The following NWD2 variants were observed in gnomAD, a reference collection of about 807,000 sequenced individuals.
The protein encoded by NWD2 is NACHT and WD repeat domain-containing protein 2.
Under a neutral mutation model 132.7 loss-of-function variants are expected in NWD2, and 37 were observed. The observed-to-expected ratio is 0.28, with a 90% CI of 0.21 to 0.37. The LOEUF (loss-of-function observed/expected upper bound fraction) is 0.37, where lower values mean the gene tolerates loss of function less well. NWD2 is among the 10% of genes least tolerant of loss of function. The probability of loss-of-function intolerance (pLI) is 1.00; values close to 1 mark genes in which losing one functional copy is unlikely to be tolerated. For synonymous variants in NWD2, 705 were observed against 803.0 expected (o/e 0.88, Z 2.06); for missense variants, 1,592 against 2,122.4 (o/e 0.75, Z 4.91).
chr4:37,379,708 T>C (rs1441726044), intron 3 of NWD2, among the ~76,000 whole-genome samples: 1 of 152,182 alleles, frequency 6.6e-6, no homozygotes, highest in Non-Finnish European at 1.5e-5. Flanking sequence ...GGTTTTGTTT[T>C]TGTTTTGCCA....
intron 1 of NWD2, among the ~76,000 whole-genome samples, chr4:37,314,320 G>C (rs941538154): frequency 1.3e-5 from 2 of 152,096 alleles, no homozygotes; most frequent in African/African-American, 4.8e-5. Context: ...TACAGAATGA[G>C]TTGAGTATTC....
intron 3 of NWD2, among the ~76,000 whole-genome samples, chr4:37,397,881 G>A (rs1198637805): frequency 6.6e-6 from 1 of 151,576 alleles, no homozygotes; most frequent in Non-Finnish European, 1.5e-5. Flanking sequence ...TTCTGCATTG[G>A]CCATGCTATG....
chr4:37,259,853 G>A (rs1717593303), intron 1 of NWD2, among the ~76,000 whole-genome samples: 1 of 152,176 alleles, frequency 6.6e-6, no homozygotes. Context: ...TCCCCTCCAG[G>A]GAAGGAGCCA....
At chr4:37,274,743 G>A (rs1245787776) in intron 1 of NWD2, among the ~76,000 whole-genome samples, 1 of 151,826 alleles carries the variant, frequency 6.6e-6, no homozygotes, top group Non-Finnish European at 1.5e-5. Flanking sequence ...ATGATCAAGT[G>A]GGCTTCATCC....
intron 3 of NWD2, among the ~76,000 whole-genome samples, chr4:37,357,797 C>T (rs1323417203): frequency 6.6e-6 from 1 of 152,002 alleles, no homozygotes; most frequent in Non-Finnish European, 1.5e-5. Context: ...GAGAGAATAC[C>T]AGCGAGGGGA....
chr4:37,340,868 G>A (rs1195846353), intron 2 of NWD2, among the ~76,000 whole-genome samples: 1 of 152,282 alleles, frequency 6.6e-6, no homozygotes, highest in East Asian at 1.9e-4. Flanking sequence ...ATTTTATTAG[G>A]TAAGGAAACT....
intron 1 of NWD2, among the ~76,000 whole-genome samples, chr4:37,304,258 G>T (rs750915552): frequency 2.0e-5 from 3 of 152,112 alleles, no homozygotes; most frequent in Non-Finnish European, 2.9e-5. Flanking sequence ...GGGGAAGTTT[G>T]CCCCCATTAT....
intron 1 of NWD2, among the ~76,000 whole-genome samples, chr4:37,275,343 A>C (rs1208654541): frequency 6.6e-6 from 1 of 152,122 alleles, no homozygotes; most frequent in Non-Finnish European, 1.5e-5. Context: ...CAAAGAGAAT[A>C]AAATACCTAG....
chr4:37,328,425 T>A (rs529288073), intron 2 of NWD2, among the ~76,000 whole-genome samples: 3 of 152,020 alleles, frequency 2.0e-5, no homozygotes, highest in African/African-American at 7.2e-5. Flanking sequence ...CCCCAGTGTG[T>A]GATGTTCCCC....
intron 3 of NWD2, among the ~76,000 whole-genome samples, chr4:37,384,126 CCTTT>C: frequency 6.6e-6 from 1 of 152,262 alleles, no homozygotes; most frequent in Admixed American, 6.5e-5. Flanking sequence ...CGTCTGATTC[CCTTT>C]TTAGGAGCAG....
intron 1 of NWD2, among the ~76,000 whole-genome samples, chr4:37,271,840 T>C (rs1462758477): frequency 6.6e-6 from 1 of 151,812 alleles, no homozygotes; most frequent in East Asian, 1.9e-4. Flanking sequence ...TCCTTTTATC[T>C]TGAAGGACTC....
chr4:37,383,464 C>A (rs7375557), intron 3 of NWD2, among the ~76,000 whole-genome samples: 39,379 of 152,080 alleles, frequency 0.26, 6,410 homozygotes, highest in Non-Finnish European at 0.37. Context: ...ATCAGATTAG[C>A]AGAGAACCTA....
At chr4:37,294,006 G>A (rs1280750722) in intron 1 of NWD2, among the ~76,000 whole-genome samples, 1 of 152,116 alleles carries the variant, frequency 6.6e-6, no homozygotes, top group Non-Finnish European at 1.5e-5. Context: ...CTCACTATAG[G>A]CTATAGTAAG....
chr4:37,408,462 A>G (rs1281756858), intron 3 of NWD2, among the ~76,000 whole-genome samples: 1 of 152,228 alleles, frequency 6.6e-6, no homozygotes, highest in Non-Finnish European at 1.5e-5. Flanking sequence ...CAAGGCTGCT[A>G]TGGCCAGACT....
intron 3 of NWD2, among the ~76,000 whole-genome samples, chr4:37,379,942 G>C (rs1038300239): frequency 3.9e-5 from 6 of 152,182 alleles, no homozygotes; most frequent in African/African-American, 1.4e-4. Context: ...ATTAGCACTG[G>C]AAAGAGCAGA....
intron 1 of NWD2, among the ~76,000 whole-genome samples, chr4:37,260,839 T>C (rs1717621872): frequency 6.6e-6 from 1 of 152,196 alleles, no homozygotes; most frequent in African/African-American, 2.4e-5. Flanking sequence ...AGGGATCTGA[T>C]CTTCATCCTG....
intron 1 of NWD2, among the ~76,000 whole-genome samples, chr4:37,298,134 G>A (rs1436193471): frequency 2.0e-5 from 3 of 152,032 alleles, no homozygotes; most frequent in East Asian, 1.9e-4. Flanking sequence ...CAGATTGGGC[G>A]CTATCAGAAA....
chr4:37,375,204 C>T (rs1359658643), intron 3 of NWD2, among the ~76,000 whole-genome samples: 1 of 152,140 alleles, frequency 6.6e-6, no homozygotes, highest in East Asian at 1.9e-4. Context: ...ACTCCCAAAC[C>T]GATATAACCA....
rs1212083067 is a variant in NWD2, at chr4:37,446,838, A to G, written c.4850A>G (p.Lys1617Arg). 1 of 1,551,856 alleles carries G rather than the reference A, an allele frequency of 6.4e-7. No individual in the cohort carries two copies. The highest frequency in any genetic ancestry group is 2.0e-5 in the Admixed American group (1 of 50,994). The change falls in exon 7 of 7, where the codon AAA (lysine) becomes AGA (arginine). Residue 1617 changes from lysine (K) to arginine (R), a missense_variant. Transcript: ENST00000309447. The surrounding 1 kb of genome is among the most constrained non-coding windows in gnomAD (Gnocchi z 6.7). ...GKNIGACSLYKTPTFLALSQR... is the reference protein window; with the variant it reads ...GKNIGACSLYRTPTFLALSQR... ...AATATCGGTGCTTGTTCCCTTTACAAAACACCAACTTTCCTTGCACTCTCC... is the reference window on the plus strand; with the variant it reads ...AATATCGGTGCTTGTTCCCTTTACAGAACACCAACTTTCCTTGCACTCTCC...
Sources: gnomAD v4.1 joint callset for allele counts (sites outside exome capture counted in the v4.1 genomes callset) on GRCh38, gnomAD v4.1.1 for gene constraint, Gnocchi (gnomAD v3.1) non-coding constraint, MANE v1.5 for transcripts, NCBI Gene and HGNC (gene_info 2026-07-23, HGNC 2026-07-21) for gene names.